The following KCNIP4 variants were observed in gnomAD, a reference collection of about 807,000 sequenced individuals.
KCNIP4 encodes the protein potassium voltage-gated channel interacting protein 4.
KCNIP4 carries 12 observed loss-of-function variants against 34.0 expected under a neutral mutation model. The ratio of observed to expected loss-of-function variants is 0.35; its 90% confidence interval spans 0.23 to 0.57. The LOEUF (loss-of-function observed/expected upper bound fraction) is 0.57, where lower values mean the gene tolerates loss of function less well. Among genes scored for constraint, KCNIP4 ranks in the 20% least tolerant of loss-of-function variants. The probability of loss-of-function intolerance (pLI) is 0.83; values close to 1 mark genes in which losing one functional copy is unlikely to be tolerated. For missense variants in KCNIP4, 238 were observed against 311.7 expected, an observed-to-expected ratio of 0.76 and a Z score of 1.78; for synonymous variants, 124 against 102.2, an observed-to-expected ratio of 1.21 and a Z score of -1.29.
At chr4:20,779,693 T>G (rs1756698284) in intron 3 of KCNIP4, among the ~76,000 whole-genome samples, 2 of 151,578 alleles carry the variant, frequency 1.3e-5, no homozygotes, top group South Asian at 4.2e-4. Flanking sequence ...TTTTAGGCTA[T>G]CCCAATTGTC....
chr4:21,158,767 T>A (rs1347428104), intron 1 of KCNIP4, among the ~76,000 whole-genome samples: 1 of 152,114 alleles, frequency 6.6e-6, no homozygotes, highest in Non-Finnish European at 1.5e-5. Flanking sequence ...TCGAATTGTA[T>A]AGTGCAGATT....
At chr4:21,401,006 C>T (rs961741752) in intron 1 of KCNIP4, among the ~76,000 whole-genome samples, 2 of 152,036 alleles carry the variant, frequency 1.3e-5, no homozygotes, top group Admixed American at 1.3e-4. Context: ...ACTAAAAATA[C>T]AAAAATTAGC....
chr4:21,650,205 T>C (rs1301880746), intron 1 of KCNIP4, among the ~76,000 whole-genome samples: 1 of 152,240 alleles, frequency 6.6e-6, no homozygotes, highest in East Asian at 1.9e-4. Context: ...CTTCTCACTA[T>C]GTGGAAAACC....
At chr4:20,830,991 T>C (rs1444736281) in intron 3 of KCNIP4, among the ~76,000 whole-genome samples, 2 of 152,184 alleles carry the variant, frequency 1.3e-5, no homozygotes, top group Non-Finnish European at 1.5e-5. Context: ...CAAACATCTA[T>C]CATATAGTCA....
At chr4:21,638,924 A>G (rs1746414625) in intron 1 of KCNIP4, among the ~76,000 whole-genome samples, 1 of 152,220 alleles carries the variant, frequency 6.6e-6, no homozygotes, top group African/African-American at 2.4e-5. Flanking sequence ...TCTGATAGCA[A>G]CAACAACAAA....
chr4:21,550,559 C>T (rs1738499790), intron 1 of KCNIP4, among the ~76,000 whole-genome samples: 1 of 152,064 alleles, frequency 6.6e-6, no homozygotes, highest in African/African-American at 2.4e-5. Context: ...TACAGTTTCT[C>T]CTCATGTCAT....
chr4:20,916,295 C>A (rs1022090432), intron 1 of KCNIP4: 45 of 984,896 alleles, frequency 4.6e-5, no homozygotes, highest in Non-Finnish European at 4.9e-5. Context: ...CCCACGTAAC[C>A]TCAGAGTGGC....
At chr4:21,854,105 C>A (rs1383704121) in intron 1 of KCNIP4, among the ~76,000 whole-genome samples, 1 of 152,182 alleles carries the variant, frequency 6.6e-6, no homozygotes, top group Non-Finnish European at 1.5e-5. Context: ...GTTTCACTCT[C>A]CAAAGTGTTC....
At chr4:21,818,333 C>A (rs55729308) in intron 1 of KCNIP4, among the ~76,000 whole-genome samples, 55,263 of 152,124 alleles carry the variant, frequency 0.36, 11,446 homozygotes, top group East Asian at 0.65. Flanking sequence ...TAACCCCAAA[C>A]TCAGCTTCAT....
At chr4:20,987,765 C>G (rs997605772) in intron 1 of KCNIP4, among the ~76,000 whole-genome samples, 1 of 151,290 alleles carries the variant, frequency 6.6e-6, no homozygotes, top group East Asian at 2.0e-4. Flanking sequence ...TTTGGGAGGC[C>G]GAGGCAGGCG....
At chr4:21,514,457 A>C (rs1302935802) in intron 1 of KCNIP4, among the ~76,000 whole-genome samples, 1 of 152,336 alleles carries the variant, frequency 6.6e-6, no homozygotes, top group Admixed American at 6.5e-5. Context: ...TGATATCCAC[A>C]CAATAAAATA....
rs1001824807 is a variant in KCNIP4, at chr4:21,238,328, G to T, written c.62-355619C>A. On this transcript the variant is annotated intron_variant, in intron 1 of 8. Coordinates refer to ENST00000382152, the MANE Select transcript of KCNIP4 (RefSeq NM_025221.6). ...CCTTTGAAAACTGGCACAAGACAGG[G>T]ATGCCCTCTCTCACCACTCCTATTC... 9.9e-5 allele frequency among the ~76,000 whole-genome samples: 15 copies of T among 152,260 alleles called. No individual in the cohort carries two copies. The East Asian group carries it at 2.7e-3, about 27-fold the overall frequency.
At chr4:21,032,218 T>C (rs952804510) in intron 1 of KCNIP4, among the ~76,000 whole-genome samples, 2 of 152,178 alleles carry the variant, frequency 1.3e-5, no homozygotes, top group Non-Finnish European at 2.9e-5. Context: ...ATTTCTTTCT[T>C]ACATGAGCCC....
chr4:20,928,004 G>GA (rs200290679), intron 1 of KCNIP4, among the ~76,000 whole-genome samples: 3,636 of 152,088 alleles, frequency 0.024, 129 homozygotes, highest in African/African-American at 0.075. Flanking sequence ...AGGGATGATA[G>GA]AAAATACTAG....
At chr4:20,791,638 C>T (rs985064891) in intron 3 of KCNIP4, among the ~76,000 whole-genome samples, 12 of 151,966 alleles carry the variant, frequency 7.9e-5, no homozygotes, top group East Asian at 5.8e-4. Flanking sequence ...CTAAAGCAAA[C>T]GCTAAAATAA....
chr4:21,385,425 A>G (rs531621345), intron 1 of KCNIP4, among the ~76,000 whole-genome samples: 7 of 152,256 alleles, frequency 4.6e-5, no homozygotes, highest in African/African-American at 1.4e-4. Context: ...AGTATATAGT[A>G]CAATGGTTAG....
chr4:21,707,531 T>C (rs950490151), intron 1 of KCNIP4, among the ~76,000 whole-genome samples: 1 of 149,668 alleles, frequency 6.7e-6, no homozygotes, highest in Non-Finnish European at 1.5e-5. Flanking sequence ...ATTGGAAATG[T>C]GCACCAGGTA....
chr4:21,627,191 T>C (rs898098264), intron 1 of KCNIP4, among the ~76,000 whole-genome samples: 2 of 152,210 alleles, frequency 1.3e-5, no homozygotes, highest in Non-Finnish European at 2.9e-5. Flanking sequence ...CCAATTACTT[T>C]GGCACACACA....
intron 1 of KCNIP4, among the ~76,000 whole-genome samples, chr4:20,919,814 T>C (rs1729216435): frequency 6.6e-6 from 1 of 152,142 alleles, no homozygotes; most frequent in African/African-American, 2.4e-5. Context: ...AATGTATTTC[T>C]TTAAAGCTTT....
Sources: gnomAD v4.1 joint callset for allele counts (sites outside exome capture counted in the v4.1 genomes callset) on GRCh38, gnomAD v4.1.1 for gene constraint, MANE v1.5 for transcripts, NCBI Gene and HGNC (gene_info 2026-07-23, HGNC 2026-07-21) for gene names.